Variants in TNFRSF6B observed in about 807,000 individuals in gnomAD.
TNFRSF6B encodes the protein TNF receptor superfamily member 6b.
Under a neutral mutation model 17.9 loss-of-function variants are expected in TNFRSF6B, and 23 were observed. That is an observed-to-expected ratio of 1.28 (90% CI 0.92 to 1.82). The LOEUF is 1.82. Ranked by LOEUF, TNFRSF6B falls within the 40% of genes most tolerant of loss-of-function variation. The pLI is 0.00. For missense variants in TNFRSF6B, 555 were observed against 437.2 expected, an observed-to-expected ratio of 1.27 and a Z score of -2.40; for synonymous variants, 291 against 195.8, an observed-to-expected ratio of 1.49 and a Z score of -4.06.
chr20:63,697,392 C>T lies in TNFRSF6B; in HGVS notation c.489C>T (p.Ser163=), dbSNP rs1200007661. Reference sequence around the variant, plus strand: ...CAGGCACCTTCTCAGCCAGCAGCTCCAGCTCAGAGCAGTGCCAGCCCCACC... The same window carrying T: ...CAGGCACCTTCTCAGCCAGCAGCTCTAGCTCAGAGCAGTGCCAGCCCCACC... The part of the protein sequence containing the change: ...CPPGTFSASS[S]SSEQCQPHRN... The change falls in exon 2 of 3, where the codon TCC becomes TCT. Residue 163 remains serine, a synonymous_variant. Transcript: ENST00000369996. 6.2e-7 allele frequency: 1 copy of T among 1,611,844 alleles called. No homozygotes were observed. The highest frequency in any genetic ancestry group is 8.5e-7 in the Non-Finnish European group (1 of 1,179,606).
intron 2 of TNFRSF6B, 64 bp downstream of exon 2, chr20:63,697,586 C>T: frequency 6.9e-7 from 1 of 1,447,490 alleles, no homozygotes; most frequent in Non-Finnish European, 9.2e-7. Context: ...CTCACTCCTG[C>T]CCCTGCACGT....
rs754926532 is a variant in TNFRSF6B at position 63,696,934 on chromosome 20, C to T, written c.167C>T (p.Thr56Ile). 3 of 1,610,166 alleles carry T rather than the reference C, an allele frequency of 1.9e-6. No individual in the cohort carries two copies. Among genetic ancestry groups the T allele is most frequent in the East Asian group, 4.5e-5 (2 of 44,800 alleles). The change falls in exon 1 of 3, where the codon ACC (threonine) becomes ATC (isoleucine). Residue 56 changes from threonine to isoleucine, a missense_variant. Coordinates refer to ENST00000369996, the MANE Select transcript of TNFRSF6B (RefSeq NM_003823.4). ...RLVCAQCPPGTFVQRPCRRDS... is the reference protein window; with the variant it reads ...RLVCAQCPPGIFVQRPCRRDS... The stretch of plus-strand genomic sequence containing the variant: ...GTGTGCGCCCAGTGCCCCCCAGGCA[C>T]CTTTGTGCAGCGGCCGTGCCGCCGA...
intron 2 of TNFRSF6B, 124 bp from the exon 3 acceptor site, chr20:63,698,156 C>T (rs901950646): frequency 1.6e-6 from 2 of 1,285,550 alleles, no homozygotes; most frequent in Non-Finnish European, 2.1e-6. Flanking sequence ...GCACGGCTCA[C>T]TGCACAGGGA....
rs780617639 is a variant in TNFRSF6B at position 63,696,725 on chromosome 20, T to C, written c.-43T>C. 21 of 1,496,416 alleles carry C rather than the reference T, an allele frequency of 1.4e-5. No individual in the cohort carries two copies. The African/African-American group carries it at 2.4e-4, about 17-fold the overall frequency. 92.7% of individuals were successfully genotyped at this position (1,496,416 alleles called of 1,614,324 possible). On this transcript the variant is annotated 5_prime_UTR_variant, in exon 1 of 3. Coordinates refer to ENST00000369996, the MANE Select transcript of TNFRSF6B (RefSeq NM_003823.4). ...ATGTCGGTCAGGCACAGCAGGGTCC[T>C]GTGTCCGCGCTGAGCCGCGCTCTCC... is the stretch of plus-strand genomic sequence containing the variant.
intron 2 of TNFRSF6B, 118 bp downstream of exon 2, chr20:63,697,640 C>G (rs766014205): frequency 1.7e-6 from 2 of 1,174,026 alleles, no homozygotes; most frequent in Non-Finnish European, 2.3e-6. Context: ...GAAGGGGCCA[C>G]AGTGGATTTG....
In TNFRSF6B at chr20:63,697,436, G is replaced by GCCTGGC; in HGVS notation, c.537_542dup (p.Ala180_Leu181dup). Reference sequence around the variant, plus strand: ...CCCCACCGCAACTGCACGGCCCTGGGCCTGGCCCTCAATGTGCCAGGCTCT... The same window carrying GCCTGGC: ...CCCCACCGCAACTGCACGGCCCTGGGCCTGGCCCTGGCCCTCAATGTGCCAGGCTCT... On this transcript the variant is annotated inframe_insertion, in exon 2 of 3. Transcript: ENST00000369996. 1 of 1,605,252 alleles carries GCCTGGC rather than the reference G, an allele frequency of 6.2e-7. No individual in the cohort carries two copies. Among genetic ancestry groups the GCCTGGC allele is most frequent in the Non-Finnish European group, 8.5e-7 (1 of 1,176,796 alleles).
chr20:63,697,738 T>A (rs550098396), intron 2 of TNFRSF6B, among the ~76,000 whole-genome samples: 19 of 152,170 alleles, frequency 1.2e-4, no homozygotes, highest in Non-Finnish European at 2.4e-4. Flanking sequence ...GGGCACAGCC[T>A]CCCCTGGGGA....
chr20:63,696,710 G>A lies in TNFRSF6B; in HGVS notation c.-58G>A. Reference sequence around the variant, plus strand: ...GGCAAAGGAGGTGGCATGTCGGTCAGGCACAGCAGGGTCCTGTGTCCGCGC... The same window carrying A: ...GGCAAAGGAGGTGGCATGTCGGTCAAGCACAGCAGGGTCCTGTGTCCGCGC... On this transcript the variant is annotated 5_prime_UTR_variant, in exon 1 of 3. Transcript: ENST00000369996. The A allele has an allele frequency of 2.1e-6, 3 of 1,454,504 alleles. No homozygotes were observed. The highest frequency in any genetic ancestry group is 2.8e-5 in the South Asian group (2 of 71,378). 90.1% of individuals were successfully genotyped at this position (1,454,504 alleles called of 1,614,324 possible). A position where few individuals can be genotyped will look rare whatever the true frequency, so the allele number is the denominator to read the frequency against.
At chr20:63,697,246 G>C in intron 1 of TNFRSF6B, 55 bp downstream of exon 1, 1 of 1,550,182 alleles carries the variant, frequency 6.5e-7, no homozygotes, top group Non-Finnish European at 8.7e-7. Context: ...AGGTGTGGCA[G>C]GGGTCAGGTT....
In TNFRSF6B at chr20:63,697,176, G is replaced by A. The variant is rs746728873; in HGVS notation, c.409G>A (p.Gly137Ser). 4 of 1,562,646 alleles carry A rather than the reference G, an allele frequency of 2.6e-6. No individual in the cohort carries two copies. Among genetic ancestry groups the A allele is most frequent in the Non-Finnish European group, 3.5e-6 (4 of 1,153,886 alleles). The change falls in exon 1 of 3, where the codon GGC (glycine) becomes AGC (serine). Residue 137 changes from glycine (G) to serine (S), a missense_variant. By Grantham distance (56) the Gly-to-Ser change is moderately conservative. Coordinates refer to ENST00000369996, the MANE Select transcript of TNFRSF6B (RefSeq NM_003823.4). The stretch of plus-strand genomic sequence containing the variant: ...GCACGCATCGTGTCCACCTGGTGCC[G>A]GCGTGATTGCCCCGGGTGAGAGCTG... ...LEHASCPPGA[G>S]VIAPGTPSQN...
intron 2 of TNFRSF6B, 49 bp from the exon 3 acceptor site, chr20:63,698,231 G>A (rs1441229858): frequency 6.3e-7 from 1 of 1,597,880 alleles, no homozygotes; most frequent in Non-Finnish European, 8.5e-7. Flanking sequence ...GCCCCCGCCA[G>A]TGTGTGTGGG....
chr20:63,696,658 G>A lies in TNFRSF6B; in HGVS notation c.-110G>A, dbSNP rs1328922214. 2 of 1,250,310 alleles carry A rather than the reference G, an allele frequency of 1.6e-6. No individual in the cohort carries two copies. The highest frequency in any genetic ancestry group is 1.6e-5 in the South Asian group (1 of 63,964). 77.5% of individuals were successfully genotyped at this position (1,250,310 alleles called of 1,614,324 possible). ...AGCAGCAGGATGGGCTTCTGGACTTGGGCGGCCCCTCCGCAGGCGGACCGG... is the reference window on the plus strand; with the variant it reads ...AGCAGCAGGATGGGCTTCTGGACTTAGGCGGCCCCTCCGCAGGCGGACCGG... On this transcript the variant is annotated 5_prime_UTR_variant, in exon 1 of 3. Coordinates refer to ENST00000369996, the MANE Select transcript of TNFRSF6B (RefSeq NM_003823.4).
At position 63,696,985 on chromosome 20, in the gene TNFRSF6B, G is replaced by T; in HGVS notation, c.218G>T (p.Cys73Phe). The change falls in exon 1 of 3, where the codon TGT (cysteine) becomes TTT (phenylalanine). Residue 73 changes from cysteine to phenylalanine, a missense_variant. Transcript: ENST00000369996. Reference sequence around the variant, plus strand: ...GACAGCCCCACGACGTGTGGCCCGTGTCCACCGCGCCACTACACGCAGTTC... The same window carrying T: ...GACAGCCCCACGACGTGTGGCCCGTTTCCACCGCGCCACTACACGCAGTTC... ...RRDSPTTCGP[C>F]PPRHYTQFWN... 6.2e-7 allele frequency: 1 copy of T among 1,609,074 alleles called. No individual in the cohort carries two copies.
rs566823245 is a variant in TNFRSF6B at position 63,698,484 on chromosome 20, G to A, written c.824G>A (p.Arg275Gln). 9.0e-5 allele frequency: 139 copies of A among 1,545,766 alleles called. 2 individuals are homozygous for A. The South Asian group carries it at 1.1e-3, about 12-fold the overall frequency. Reference sequence around the variant, plus strand: ...GCGCAGGACGGGGCGCTGCTGGTGCGGCTGCTGCAGGCGCTGCGCGTGGCC... The same window carrying A: ...GCGCAGGACGGGGCGCTGCTGGTGCAGCTGCTGCAGGCGCTGCGCGTGGCC... ...LGAQDGALLV[R>Q]LLQALRVARM... The change falls in exon 3 of 3, where the codon CGG becomes CAG. Residue 275 changes from arginine (R) to glutamine (Q), a missense_variant. Coordinates refer to ENST00000369996, the MANE Select transcript of TNFRSF6B (RefSeq NM_003823.4).
chr20:63,698,620 G>A lies in TNFRSF6B; in HGVS notation c.*57G>A, dbSNP rs1601213479. The A allele has an allele frequency of 7.1e-7, 1 of 1,415,580 alleles. No individual in the cohort carries two copies. The highest frequency in any genetic ancestry group is 9.2e-7 in the Non-Finnish European group (1 of 1,082,166). 87.7% of individuals were successfully genotyped at this position (1,415,580 alleles called of 1,614,324 possible). A position where few individuals can be genotyped will look rare whatever the true frequency, so the allele number is the denominator to read the frequency against. Reference sequence around the variant, plus strand: ...TGGCACCCCACTTGCACTGAAAGAGGCTTTTTTTTAAATAGAAGAAATGAG... The same window carrying A: ...TGGCACCCCACTTGCACTGAAAGAGACTTTTTTTTAAATAGAAGAAATGAG... On this transcript the variant is annotated 3_prime_UTR_variant, in exon 3 of 3. Transcript: ENST00000369996.
rs781668071 is a variant in TNFRSF6B at position 63,697,190 on chromosome 20, G to A, written c.423G>A (p.Pro141=). ...CACCTGGTGCCGGCGTGATTGCCCC[G>A]GGTGAGAGCTGGGCGAGGGGAGGGG... The part of the protein sequence containing the change: ...SCPPGAGVIA[P]GTPSQNTQCQ... The change falls in exon 1 of 3, where the codon CCG becomes CCA. Residue 141 remains proline, a splice_region_variant and synonymous_variant. Transcript: ENST00000369996. 3.0e-5 allele frequency: 46 copies of A among 1,558,242 alleles called. No individual in the cohort carries two copies. The highest frequency in any genetic ancestry group is 1.9e-4 in the East Asian group (8 of 42,058).
rs1464028448 is a variant in TNFRSF6B, at chr20:63,698,428, G to T, written c.768G>T (p.Lys256Asn). The change falls in exon 3 of 3, where the codon AAG becomes AAT. Residue 256 changes from lysine to asparagine, a missense_variant. Transcript: ENST00000369996. ...PRAGRAALQL[K>N]LRRRLTELLG... ...CGGGCCGCGCGGCCTTGCAGCTGAA[G>T]CTGCGTCGGCGGCTCACGGAGCTCC... 1 of 1,578,252 alleles carries T rather than the reference G, an allele frequency of 6.3e-7. No individual in the cohort carries two copies. The highest frequency in any genetic ancestry group is 2.3e-5 in the East Asian group (1 of 43,382).
At position 63,698,465 on chromosome 20, in the gene TNFRSF6B, G is replaced by A; in HGVS notation, c.805G>A (p.Asp269Asn). The A allele has an allele frequency of 5.1e-6, 8 of 1,559,124 alleles. No homozygotes were observed. Among genetic ancestry groups the A allele is most frequent in the East Asian group, 2.4e-5 (1 of 42,272 alleles). Residue 269 changes from aspartate (D) to asparagine (N), a missense_variant, in exon 3 of 3, where the codon GAC (aspartate) becomes AAC (asparagine). By Grantham distance (23) the Asp-to-Asn change is conservative. Coordinates refer to ENST00000369996, the MANE Select transcript of TNFRSF6B (RefSeq NM_003823.4). ...RRLTELLGAQ[D>N]GALLVRLLQA... ...GCTCACGGAGCTCCTGGGGGCGCAGGACGGGGCGCTGCTGGTGCGGCTGCT... is the reference window on the plus strand; with the variant it reads ...GCTCACGGAGCTCCTGGGGGCGCAGAACGGGGCGCTGCTGGTGCGGCTGCT...
Position 63,696,803 on chromosome 20 carries a change from G to A in TNFRSF6B, c.36G>A (p.Leu12=). ...TGGAGGGGCCAGGCCTGTCGCTGCT[G>A]TGCCTGGTGTTGGCGCTGCCTGCCC... ...RALEGPGLSL[L]CLVLALPALL... is the part of the protein sequence containing the mutation. Residue 12 remains leucine (L), a synonymous_variant, in exon 1 of 3, where the codon CTG becomes CTA. Coordinates refer to ENST00000369996, the MANE Select transcript of TNFRSF6B (RefSeq NM_003823.4). 6.2e-7 allele frequency: 1 copy of A among 1,607,436 alleles called. No individual in the cohort carries two copies. The highest frequency in any genetic ancestry group is 1.1e-5 in the South Asian group (1 of 90,224).
Sources: gnomAD v4.1 joint callset for allele counts (sites outside exome capture counted in the v4.1 genomes callset) on GRCh38, gnomAD v4.1.1 for gene constraint, MANE v1.5 for transcripts, NCBI Gene and HGNC (gene_info 2026-07-23, HGNC 2026-07-21) for gene names.